SYNJ2: variants seen among roughly 807,000 people sequenced by gnomAD.
The protein encoded by SYNJ2 is synaptojanin 2, also known as polyphosphatidylinositol phosphatase SYNJ2.
A neutral mutation model predicts 141.3 loss-of-function variants in SYNJ2; 116 were observed. The ratio of observed to expected loss-of-function variants is 0.82; its 90% CI spans 0.71 to 0.96. The LOEUF is 0.96. SYNJ2 is among the 40% of genes least tolerant of loss of function. The pLI is 0.00. For synonymous variants in SYNJ2, 745 were observed against 777.7 expected, an observed-to-expected ratio of 0.96 and a Z score of 0.70; for missense variants, 1,873 against 1,934.8, an observed-to-expected ratio of 0.97 and a Z score of 0.60.
At chr6:158,072,371 G>A (rs555750497) in intron 15 of SYNJ2, among the ~76,000 whole-genome samples, 29 of 152,344 alleles carry the variant, frequency 1.9e-4, no homozygotes, top group South Asian at 1.0e-3. Context: ...TTCTGAAACT[G>A]GAGGATTTTC....
At chr6:158,069,810 GC>G in intron 14 of SYNJ2, 137 bp downstream of exon 14, 2 of 1,134,758 alleles carry the variant, frequency 1.8e-6, no homozygotes, top group Non-Finnish European at 2.4e-6. Flanking sequence ...GATAAATGTA[GC>G]AAAACCCCCT....
intron 11 of SYNJ2, among the ~76,000 whole-genome samples, 178 bp from the exon 12 acceptor site, chr6:158,066,266 G>A (rs1415664841): frequency 2.3e-4 from 35 of 152,156 alleles, no homozygotes; most frequent in Non-Finnish European, 1.5e-5. Context: ...TGCCATAAGG[G>A]AAGCCCCGTG....
chr6:158,052,469 C>G (rs1780622157), intron 5 of SYNJ2, among the ~76,000 whole-genome samples: 2 of 152,144 alleles, frequency 1.3e-5, no homozygotes, highest in African/African-American at 4.8e-5. Flanking sequence ...GTAATGCAGG[C>G]TATACAGGAA....
intron 2 of SYNJ2, among the ~76,000 whole-genome samples, chr6:158,026,384 C>T (rs1233976878): frequency 2.0e-5 from 3 of 152,198 alleles, no homozygotes; most frequent in Non-Finnish European, 4.4e-5. Context: ...TGTTTCCCTC[C>T]CTGTGAGATG....
chr6:158,010,366 C>A (rs907951543), intron 1 of SYNJ2, among the ~76,000 whole-genome samples: 3 of 152,204 alleles, frequency 2.0e-5, no homozygotes, highest in Non-Finnish European at 4.4e-5. Flanking sequence ...GACTCTGGAA[C>A]CGGCCTCCTG....
rs372771013 is a variant in SYNJ2 at position 158,083,502 on chromosome 6, G to A, written c.2939G>A (p.Arg980Gln). Residue 980 changes from arginine (R) to glutamine (Q), a missense_variant, in exon 21 of 27, where the codon CGG becomes CAG. Coordinates refer to ENST00000355585, the MANE Select transcript of SYNJ2 (RefSeq NM_003898.4). ...WLKGLREEII[R>Q]KRDSMAPVSP... ...AAAGGTTTGCGAGAGGAGATCATTC[G>A]GAAACGAGACAGCATGGCCCCCGTG... 5.0e-5 allele frequency: 81 copies of A among 1,614,154 alleles called. No homozygotes were observed. Among genetic ancestry groups the A allele is most frequent in the South Asian group, 3.2e-4 (29 of 91,084 alleles).
At chr6:158,046,971 C>A (rs1274155662) in intron 5 of SYNJ2, among the ~76,000 whole-genome samples, 1 of 152,022 alleles carries the variant, frequency 6.6e-6, no homozygotes, top group Non-Finnish European at 1.5e-5. Flanking sequence ...GCAACTGAAC[C>A]AAACGGAGGA....
At chr6:157,981,616 A>C (rs1266650089), upstream of SYNJ2, among the ~76,000 whole-genome samples, 1 of 151,866 alleles carries the variant, frequency 6.6e-6, no homozygotes, top group Non-Finnish European at 1.5e-5. This position sits in a 1 kb window ranked among gnomAD's most constrained non-coding sequence, Gnocchi z 6.4. Context: ...CGCGCGGGGC[A>C]TCCTCCTCCG....
chr6:158,062,530 G>A (rs1210105344), intron 8 of SYNJ2, among the ~76,000 whole-genome samples: 1 of 152,160 alleles, frequency 6.6e-6, no homozygotes, highest in Non-Finnish European at 1.5e-5. Flanking sequence ...GCAGGCCTGT[G>A]AGAGTGAGGG....
chr6:158,087,879 T>TC (rs1783164444), intron 23 of SYNJ2, among the ~76,000 whole-genome samples: 1 of 150,598 alleles, frequency 6.6e-6, no homozygotes, highest in African/African-American at 2.4e-5. Context: ...ATACTTCTTT[T>TC]TTTTTTTTTT....
intron 12 of SYNJ2, chr6:158,067,701 C>T (rs901108738): frequency 5.1e-6 from 5 of 985,294 alleles, no homozygotes; most frequent in Non-Finnish European, 4.8e-6. Context: ...TGGGTAGTAC[C>T]CAGAGCCCCA....
Position 157,982,018 on chromosome 6 carries a change from T to C in SYNJ2, c.57T>C (p.Cys19=). The change falls in exon 1 of 27, where the codon TGT becomes TGC. Residue 19 remains cysteine (C), a synonymous_variant. Coordinates refer to ENST00000355585, the MANE Select transcript of SYNJ2 (RefSeq NM_003898.4). This position sits in a 1 kb window ranked among gnomAD's most constrained non-coding sequence, Gnocchi z 4.0. ...GGCGCCTGGGGGCCGAGGGGGACTG[T>C]AGCGTGCTGCTGGAGGCGCGCGGCC... ...LLGRLGAEGD[C]SVLLEARGRD... 2.3e-6 allele frequency: 3 copies of C among 1,330,222 alleles called. No individual in the cohort carries two copies. Among genetic ancestry groups the C allele is most frequent in the East Asian group, 6.1e-5 (2 of 32,790 alleles). The allele number at this position is 1,330,222 out of a possible 1,614,324, so 82.4% of individuals were successfully genotyped here.
At chr6:158,065,676 T>C (rs146557782) in intron 11 of SYNJ2, among the ~76,000 whole-genome samples, 398 of 152,294 alleles carry the variant, frequency 2.6e-3, no homozygotes, top group Admixed American at 6.9e-3. Flanking sequence ...TTAAAATGGG[T>C]TCACGGCCCT....
At chr6:158,082,759 G>T (rs1782779841) in intron 20 of SYNJ2, among the ~76,000 whole-genome samples, 1 of 152,232 alleles carries the variant, frequency 6.6e-6, no homozygotes. Flanking sequence ...AGCCATTTTA[G>T]AGTGTAGTTC....
In SYNJ2 at chr6:158,098,211, A is replaced by G. The variant is rs1316202127; in HGVS notation, c.*1847A>G. 6.6e-6 allele frequency: 1 copy of G among 152,238 alleles called. No homozygotes were observed. Among genetic ancestry groups the G allele is most frequent in the Non-Finnish European group, 1.5e-5 (1 of 68,036 alleles). The allele number at this position is 152,238 out of a possible 1,614,324, so 9.4% of individuals were successfully genotyped here. ...AAATGTAACAACCAGTCAAAGAAGC[A>G]GGGGAAAAGTAAGCTCCTCCAAAGT... On this transcript the variant is annotated 3_prime_UTR_variant, in exon 27 of 27. Transcript: ENST00000355585.
intron 7 of SYNJ2, 30 bp downstream of exon 7, chr6:158,059,383 G>C: frequency 6.5e-7 from 1 of 1,547,488 alleles, no homozygotes. Flanking sequence ...TCCACAGCTG[G>C]GCTGGGCGGC....
chr6:157,983,325 G>C (rs932634325), intron 1 of SYNJ2, among the ~76,000 whole-genome samples: 1 of 152,218 alleles, frequency 6.6e-6, no homozygotes, highest in Non-Finnish European at 1.5e-5. Context: ...GTGAATTGTA[G>C]ATTAAGTTAT....
chr6:158,034,785 G>A (rs1317996658), intron 4 of SYNJ2, among the ~76,000 whole-genome samples: 1 of 152,194 alleles, frequency 6.6e-6, no homozygotes, highest in Non-Finnish European at 1.5e-5. Context: ...TATTGCCTAG[G>A]TTGTCTTCCA....
chr6:158,061,888 C>T (rs1583435522), intron 7 of SYNJ2, 104 bp from the exon 8 acceptor site: 16 of 1,170,874 alleles, frequency 1.4e-5, no homozygotes, highest in Admixed American at 6.1e-5. Context: ...CGTCCTGCGG[C>T]GAGTCACCTT....
Sources: allele counts gnomAD v4.1 joint callset (sites outside exome capture counted in the v4.1 genomes callset), GRCh38; gene constraint gnomAD v4.1.1; non-coding constraint Gnocchi (gnomAD v3.1); transcripts MANE v1.5; gene names NCBI Gene and HGNC (gene_info 2026-07-23, HGNC 2026-07-21).